Variants in CHRM3 observed in about 807,000 individuals in gnomAD.
CHRM3 encodes cholinergic receptor muscarinic 3, also known as muscarinic acetylcholine receptor M3.
CHRM3 carries 11 observed loss-of-function variants against 41.8 expected under a neutral mutation model. The ratio of observed to expected loss-of-function variants is 0.26; its 90% CI spans 0.17 to 0.44. The LOEUF is 0.44. Ranked by LOEUF, CHRM3 falls within the 20% of genes least tolerant of loss-of-function variation. The pLI, the probability that CHRM3 is intolerant of heterozygous loss-of-function variation, is 1.00. For synonymous variants in CHRM3, 297 were observed against 301.4 expected (o/e 0.99, Z 0.15); for missense variants, 571 against 745.4 (o/e 0.77, Z 2.72).
At chr1:239,781,380 A>C (rs1244130591) in intron 5 of CHRM3, among the ~76,000 whole-genome samples, 1 of 152,196 alleles carries the variant, frequency 6.6e-6, no homozygotes, top group Admixed American at 6.5e-5. Context: ...ATGTGTTTTT[A>C]ATTTCAAATT....
At chr1:239,738,699 G>A (rs2148478359) in intron 5 of CHRM3, among the ~76,000 whole-genome samples, 1 of 152,156 alleles carries the variant, frequency 6.6e-6, no homozygotes, top group East Asian at 1.9e-4. Flanking sequence ...TCTTTTCCCA[G>A]ATCTTGTGCA....
intron 2 of CHRM3, among the ~76,000 whole-genome samples, chr1:239,512,261 G>A (rs1456975275): frequency 6.6e-6 from 1 of 152,214 alleles, no homozygotes; most frequent in East Asian, 1.9e-4. Flanking sequence ...TGCAGGTCGA[G>A]TTCAGGGCTA....
intron 3 of CHRM3, among the ~76,000 whole-genome samples, chr1:239,619,225 T>C (rs1390793570): frequency 6.6e-6 from 1 of 152,066 alleles, no homozygotes. Context: ...TCCTTTCTCT[T>C]TTTTATAACA....
At chr1:239,388,055 C>T (rs1658687492) in intron 1 of CHRM3, among the ~76,000 whole-genome samples, 1 of 152,106 alleles carries the variant, frequency 6.6e-6, no homozygotes, top group Admixed American at 6.5e-5. Context: ...GAATTGAGAT[C>T]CTGTTCTGCA....
At chr1:239,419,015 T>C (rs1661722152) in intron 1 of CHRM3, among the ~76,000 whole-genome samples, 1 of 152,104 alleles carries the variant, frequency 6.6e-6, no homozygotes. Flanking sequence ...TATCCCTGTT[T>C]CTAGATGAGG....
chr1:239,635,126 ACT>A (rs373416677), intron 4 of CHRM3, among the ~76,000 whole-genome samples: 1 of 151,868 alleles, frequency 6.6e-6, no homozygotes, highest in African/African-American at 2.4e-5. Context: ...TTTTGTTATG[ACT>A]CTACTCCAAG....
intron 4 of CHRM3, among the ~76,000 whole-genome samples, chr1:239,633,118 G>A (rs1432156118): frequency 1.3e-5 from 2 of 152,114 alleles, no homozygotes; most frequent in Non-Finnish European, 2.9e-5. Flanking sequence ...GACTACAAGC[G>A]CTGCCACCAT....
chr1:239,717,045 GT>G (rs35801899), intron 5 of CHRM3, among the ~76,000 whole-genome samples: 41 of 148,246 alleles, frequency 2.8e-4, no homozygotes, highest in Middle Eastern at 3.5e-3. Context: ...ATCACTTCCA[GT>G]TTTTTTTTTT....
At chr1:239,543,075 G>A (rs1658935035) in intron 2 of CHRM3, among the ~76,000 whole-genome samples, 1 of 152,056 alleles carries the variant, frequency 6.6e-6, no homozygotes, top group Non-Finnish European at 1.5e-5. Flanking sequence ...CCTTTCTTAG[G>A]CCTTCAGCAG....
intron 3 of CHRM3, among the ~76,000 whole-genome samples, chr1:239,577,017 C>G (rs1219000765): frequency 6.6e-6 from 1 of 152,176 alleles, no homozygotes; most frequent in African/African-American, 2.4e-5. Flanking sequence ...GTAACAAACA[C>G]TTCAGAATTT....
At position 239,488,414 on chromosome 1, in the gene CHRM3, A is replaced by G. The variant is rs144735176; in HGVS notation, c.-520-4295A>G. Among the ~76,000 whole-genome samples, 69 of 152,214 alleles carry G rather than the reference A, an allele frequency of 4.5e-4. No homozygotes were observed. The East Asian group carries it at 7.7e-3, about 17-fold the overall frequency. ...AAATCTCTATTGTGGAATTAAAGCA[A>G]TTAAAAAGGAATTAGATGGGCCAGG... On this transcript the variant is annotated intron_variant, in intron 1 of 6. Coordinates refer to ENST00000676153, the MANE Select transcript of CHRM3 (RefSeq NM_001375978.1).
intron 2 of CHRM3, among the ~76,000 whole-genome samples, chr1:239,533,920 C>T (rs904370174): frequency 6.6e-6 from 1 of 152,062 alleles, no homozygotes; most frequent in Non-Finnish European, 1.5e-5. Context: ...AGGACACAGC[C>T]AAACCCTACC....
At position 239,446,225 on chromosome 1, in the gene CHRM3, A is replaced by G. The variant is rs148758951; in HGVS notation, c.-520-46484A>G. ...GTTGCAATTACAGGCGTGAGCCACC[A>G]TGCCTGGCCAGTGTGCACTTTCTAA... On this transcript the variant is annotated intron_variant, in intron 1 of 6. Transcript: ENST00000676153. 1.7e-3 allele frequency among the ~76,000 whole-genome samples: 266 copies of G among 152,278 alleles called. 1 individual carries two copies. The highest frequency in any genetic ancestry group is 7.5e-3 in the East Asian group (39 of 5,178).
intron 1 of CHRM3, among the ~76,000 whole-genome samples, chr1:239,428,100 C>T (rs1366978165): frequency 6.6e-6 from 1 of 152,154 alleles, no homozygotes; most frequent in Non-Finnish European, 1.5e-5. Context: ...CCTGTTCCAT[C>T]TTTGACCCTG....
intron 5 of CHRM3, among the ~76,000 whole-genome samples, chr1:239,681,842 C>T (rs750511579): frequency 2.6e-5 from 4 of 151,816 alleles, no homozygotes; most frequent in Non-Finnish European, 5.9e-5. Context: ...AAGATGACAG[C>T]GAGCTATGAT....
chr1:239,696,933 T>G (rs1660250171), intron 5 of CHRM3, among the ~76,000 whole-genome samples: 1 of 152,230 alleles, frequency 6.6e-6, no homozygotes, highest in African/African-American at 2.4e-5. Context: ...TTAAAAATTT[T>G]TGGTAGCCCA....
intron 1 of CHRM3, among the ~76,000 whole-genome samples, chr1:239,484,109 A>G (rs1049150980): frequency 6.6e-6 from 1 of 152,152 alleles, no homozygotes; most frequent in South Asian, 2.1e-4. Context: ...TTGTGTTTCT[A>G]TAATTGAATA....
At chr1:239,443,645 C>A (rs1003045786) in intron 1 of CHRM3, among the ~76,000 whole-genome samples, 19 of 152,158 alleles carry the variant, frequency 1.2e-4, no homozygotes, top group Non-Finnish European at 2.2e-4. Flanking sequence ...AATGAAGAAT[C>A]TGAAGAAACG....
chr1:239,420,377 C>T (rs928404807), intron 1 of CHRM3, among the ~76,000 whole-genome samples: 1 of 152,188 alleles, frequency 6.6e-6, no homozygotes, highest in Non-Finnish European at 1.5e-5. Context: ...CTGGAGTTCT[C>T]ATACCCCTTG....
Sources: gnomAD v4.1 joint callset for allele counts (sites outside exome capture counted in the v4.1 genomes callset) on GRCh38, gnomAD v4.1.1 for gene constraint, MANE v1.5 for transcripts, NCBI Gene and HGNC (gene_info 2026-07-23, HGNC 2026-07-21) for gene names.